Variants in PLEKHS1 observed in about 807,000 individuals in gnomAD.
The protein encoded by PLEKHS1 is pleckstrin homology domain-containing family S member 1.
PLEKHS1 carries 55 observed loss-of-function variants against 51.0 expected under a neutral mutation model. The ratio of observed to expected loss-of-function variants is 1.08; its 90% CI spans 0.87 to 1.35. PLEKHS1 has a LOEUF of 1.35. Ranked by LOEUF, PLEKHS1 falls within the 40% of genes most tolerant of loss-of-function variation. The probability of loss-of-function intolerance (pLI) is 0.00; values close to 1 mark genes in which losing one functional copy is unlikely to be tolerated. For missense variants in PLEKHS1, 398 were observed against 423.0 expected, an observed-to-expected ratio of 0.94 and a Z score of 0.52; for synonymous variants, 153 against 144.8, an observed-to-expected ratio of 1.06 and a Z score of -0.41.
intron 2 of PLEKHS1, among the ~76,000 whole-genome samples, chr10:113,757,662 C>A (rs888940576): frequency 6.6e-6 from 1 of 152,148 alleles, no homozygotes; most frequent in Admixed American, 6.5e-5. Context: ...TAAAATAAGA[C>A]AACAATGAAG....
chr10:113,762,968 A>T (rs956180731), intron 2 of PLEKHS1, among the ~76,000 whole-genome samples: 6 of 152,102 alleles, frequency 3.9e-5, no homozygotes, highest in Non-Finnish European at 8.8e-5. Flanking sequence ...TATTATTTAA[A>T]ACATTAAAAA....
chr10:113,763,281 T>C (rs1433541103), intron 2 of PLEKHS1, among the ~76,000 whole-genome samples: 2 of 152,166 alleles, frequency 1.3e-5, no homozygotes, highest in African/African-American at 4.8e-5. Context: ...AGCGTTGGCA[T>C]AGCATATCTT....
Position 113,777,104 on chromosome 10 carries a change from A to G in PLEKHS1, c.1091+1238A>G. On this transcript the variant is annotated intron_variant, in intron 11 of 11. Transcript: ENST00000361048. ...CAGCTGAGCCTCACACTGGTATTGG[A>G]TGTTGTATTCCCACTGCAGTGTGTC... 1 of 1,611,370 alleles carries G rather than the reference A, an allele frequency of 6.2e-7. No homozygotes were observed. Among genetic ancestry groups the G allele is most frequent in the East Asian group, 2.2e-5 (1 of 44,868 alleles).
At chr10:113,765,680 T>C (rs965735513) in intron 2 of PLEKHS1, among the ~76,000 whole-genome samples, 2 of 152,240 alleles carry the variant, frequency 1.3e-5, no homozygotes, top group East Asian at 1.9e-4. Context: ...ACAATAAATA[T>C]GTATCATATT....
chr10:113,770,981 A>T (rs1293602532), intron 7 of PLEKHS1, among the ~76,000 whole-genome samples: 1 of 152,202 alleles, frequency 6.6e-6, no homozygotes, highest in African/African-American at 2.4e-5. Context: ...CATGGACAGA[A>T]CTTAAACACA....
At chr10:113,761,374 G>C (rs563168816) in intron 2 of PLEKHS1, among the ~76,000 whole-genome samples, 15 of 152,214 alleles carry the variant, frequency 9.9e-5, no homozygotes, top group South Asian at 4.1e-4. Flanking sequence ...GCTTTAGGTA[G>C]TATTTATATC....
intron 11 of PLEKHS1, 139 bp downstream of exon 11, chr10:113,776,005 T>C (rs1761238840): frequency 3.5e-6 from 2 of 563,898 alleles, no homozygotes; most frequent in South Asian, 3.6e-5. Context: ...CTGGCTGTTG[T>C]TACAAAAAAA....
intron 4 of PLEKHS1, 146 bp downstream of exon 4, chr10:113,766,864 A>G: frequency 1.6e-6 from 1 of 608,334 alleles, no homozygotes; most frequent in African/African-American, 1.9e-5. Flanking sequence ...ATAGGAGCTA[A>G]AATAGTGAGC....
At chr10:113,766,809 G>A (rs1471207094) in intron 4 of PLEKHS1, 91 bp downstream of exon 4, 2 of 985,918 alleles carry the variant, frequency 2.0e-6, no homozygotes, top group African/African-American at 3.3e-5. Context: ...TTACATAATT[G>A]ACCAAAGGAA....
intron 2 of PLEKHS1, among the ~76,000 whole-genome samples, chr10:113,760,514 T>G (rs1024619453): frequency 1.3e-5 from 2 of 152,192 alleles, no homozygotes; most frequent in Non-Finnish European, 2.9e-5. Context: ...CTAGTGAGCA[T>G]GAAGTGGTTT....
downstream of PLEKHS1, chr10:113,783,230 G>C (rs1844904255): frequency 7.7e-6 from 1 of 129,624 alleles, no homozygotes; most frequent in African/African-American, 2.8e-5. Flanking sequence ...GGAAAACCCA[G>C]TCTCAAAAAA....
rs1844739899 is a variant in PLEKHS1, at chr10:113,777,724, C to T, written c.1091+1858C>T. ...CTACTAGTTACTTTTACTTCTACTACAACTGACCATGGAATGTTATTCAAG... is the reference window on the plus strand; with the variant it reads ...CTACTAGTTACTTTTACTTCTACTATAACTGACCATGGAATGTTATTCAAG... On this transcript the variant is annotated intron_variant, in intron 11 of 11. Coordinates refer to ENST00000361048, the Ensembl canonical transcript of PLEKHS1. The T allele has an allele frequency of 4.7e-6, 7 of 1,494,908 alleles. No individual in the cohort carries two copies. In the Admixed American group the frequency reaches 1.5e-4, roughly 33 times the overall value. The allele number at this position is 1,494,908 out of a possible 1,614,324, so 92.6% of individuals were successfully genotyped here.
intron 11 of PLEKHS1, among the ~76,000 whole-genome samples, chr10:113,778,864 C>G (rs1405006107): frequency 6.6e-6 from 1 of 152,186 alleles, no homozygotes; most frequent in Non-Finnish European, 1.5e-5. Context: ...ATCTCCTGAC[C>G]TCGTGATCCG....
intron 11 of PLEKHS1, chr10:113,777,594 G>A: frequency 1.3e-6 from 2 of 1,549,052 alleles, no homozygotes; most frequent in Non-Finnish European, 1.7e-6. Context: ...TTTCTTTTCT[G>A]TAAAATTATG....
intron 2 of PLEKHS1, among the ~76,000 whole-genome samples, chr10:113,764,411 G>A (rs1349165949): frequency 1.3e-5 from 2 of 151,998 alleles, no homozygotes; most frequent in Non-Finnish European, 2.9e-5. Flanking sequence ...TAAATATATT[G>A]TTTTACTTTT....
At chr10:113,777,540 G>A in intron 11 of PLEKHS1, 3 of 1,552,696 alleles carry the variant, frequency 1.9e-6, no homozygotes, top group Non-Finnish European at 2.6e-6. Context: ...TCAGACTGGT[G>A]CAGGGATTCC....
At chr10:113,777,088 C>T in intron 11 of PLEKHS1, 36 bp from the exon 12 acceptor site, 1 of 1,608,454 alleles carries the variant, frequency 6.2e-7, no homozygotes, top group Admixed American at 1.7e-5. Context: ...CCAGCTGAGC[C>T]TCACACTGGT....
chr10:113,777,478 T>C (rs1263288968), intron 11 of PLEKHS1: 2 of 1,592,010 alleles, frequency 1.3e-6, no homozygotes, highest in African/African-American at 1.3e-5. Context: ...ACAGAGCACC[T>C]GGGTTCAGGA....
intron 10 of PLEKHS1, 50 bp from the exon 11 acceptor site, chr10:113,775,715 G>A (rs767115088): frequency 1.5e-6 from 2 of 1,320,148 alleles, no homozygotes; most frequent in East Asian, 2.4e-5. Flanking sequence ...GTACAGTTGA[G>A]AGCCAAGGTC....
Sources: allele counts gnomAD v4.1 joint callset (sites outside exome capture counted in the v4.1 genomes callset), GRCh38; gene constraint gnomAD v4.1.1; transcripts MANE v1.5; gene names NCBI Gene and HGNC (gene_info 2026-07-23, HGNC 2026-07-21).